The following TRMT11 variants were observed in gnomAD, a reference collection of about 807,000 sequenced individuals.
The protein encoded by TRMT11 is tRNA methyltransferase 11, also known as tRNA (guanine(10)-N(2))-methyltransferase TRMT11.
In TRMT11, 53 loss-of-function variants were observed where a neutral mutation model predicts 62.8. The observed-to-expected ratio is 0.84, with a 90% confidence interval of 0.68 to 1.06. The LOEUF is 1.06. Among genes scored for constraint, TRMT11 ranks in the 50% least tolerant of loss-of-function variants. The pLI is 0.00. For synonymous variants in TRMT11, 188 were observed against 190.3 expected, an observed-to-expected ratio of 0.99 and a Z score of 0.10; for missense variants, 556 against 553.4, an observed-to-expected ratio of 1.00 and a Z score of -0.05.
chr6:126,253,313 C>T, the TRMT11 span, among the ~76,000 whole-genome samples: 64 of 152,280 alleles, frequency 4.2e-4, 1 homozygote, highest in African/African-American at 1.5e-3. Context: ...TCTGTGATAA[C>T]AATGCCTTCT....
intron 21 of TRMT11, among the ~76,000 whole-genome samples, chr6:126,130,219 G>T (rs1777764926): frequency 6.6e-6 from 1 of 152,096 alleles, no homozygotes; most frequent in Non-Finnish European, 1.5e-5. Context: ...AAGAGAGAAA[G>T]ATATGAAGAG....
At chr6:126,019,325 A>G (rs1156286201) in intron 11 of TRMT11, among the ~76,000 whole-genome samples, 2 of 152,218 alleles carry the variant, frequency 1.3e-5, no homozygotes, top group Non-Finnish European at 2.9e-5. Flanking sequence ...GAAACATGCA[A>G]ATATGTTTTT....
chr6:126,212,166 G>T, the TRMT11 span, among the ~76,000 whole-genome samples: 1 of 151,922 alleles, frequency 6.6e-6, no homozygotes, highest in African/African-American at 2.4e-5. Context: ...TTATCCATTT[G>T]TCTGCTGATG....
At chr6:126,199,552 C>T (rs1778711344) in intron 2 of TRMT11, among the ~76,000 whole-genome samples, 1 of 152,132 alleles carries the variant, frequency 6.6e-6, no homozygotes. Context: ...AATGCTAGCA[C>T]TATAAATTAT....
downstream of TRMT11, among the ~76,000 whole-genome samples, chr6:126,040,803 C>T (rs1366143790): frequency 1.3e-5 from 2 of 152,010 alleles, no homozygotes; most frequent in African/African-American, 4.8e-5. Flanking sequence ...AGACGGTTAC[C>T]TTGGTGGTGT....
At chr6:126,261,336 T>C in the TRMT11 span, among the ~76,000 whole-genome samples, 1 of 152,222 alleles carries the variant, frequency 6.6e-6, no homozygotes, top group African/African-American at 2.4e-5. Context: ...ATTGCTTTTC[T>C]GATTGCATTG....
chr6:126,085,415 T>C (rs1360082408), intron 17 of TRMT11, among the ~76,000 whole-genome samples: 2 of 152,302 alleles, frequency 1.3e-5, no homozygotes, highest in East Asian at 3.9e-4. Flanking sequence ...GAGGCCTTTT[T>C]CCCATTTTCT....
In TRMT11 at chr6:126,015,361, G is replaced by A. The variant is rs184430348; in HGVS notation, c.1139+2260G>A. Among the ~76,000 whole-genome samples, 526 of 152,178 alleles carry A rather than the reference G, an allele frequency of 3.5e-3. 4 individuals are homozygous for A. The highest frequency in any genetic ancestry group is 0.012 in the African/African-American group (508 of 41,508). On this transcript the variant is annotated intron_variant, in intron 11 of 12. Coordinates refer to ENST00000334379, the MANE Select transcript of TRMT11 (RefSeq NM_001031712.3). ...CCTGCCTCAGCCTCCCAAGTAGCTG[G>A]GACTACAGGTGTCTGCCACTGCGCC...
chr6:126,219,031 C>T, the TRMT11 span, among the ~76,000 whole-genome samples: 604 of 152,250 alleles, frequency 4.0e-3, 4 homozygotes, highest in African/African-American at 0.013. Context: ...GCTTTCCCTC[C>T]CCAAAGTGTA....
intron 21 of TRMT11, among the ~76,000 whole-genome samples, chr6:126,147,960 C>T (rs535943946): frequency 1.7e-4 from 26 of 151,988 alleles, no homozygotes; most frequent in East Asian, 9.7e-4. Flanking sequence ...GACGGGTTGA[C>T]GGGTGCAGCA....
chr6:126,142,436 A>G (rs1287638987), intron 21 of TRMT11, among the ~76,000 whole-genome samples: 1 of 152,098 alleles, frequency 6.6e-6, no homozygotes, highest in Non-Finnish European at 1.5e-5. Context: ...TTATTTTTAA[A>G]TAAATGAGTG....
chr6:126,075,272 C>T (rs746088172), intron 17 of TRMT11, among the ~76,000 whole-genome samples: 10 of 152,096 alleles, frequency 6.6e-5, no homozygotes, highest in African/African-American at 2.2e-4. Flanking sequence ...TTTTATTTAA[C>T]TGCTAGTTCT....
intron 17 of TRMT11, among the ~76,000 whole-genome samples, chr6:126,099,522 C>T (rs992131642): frequency 1.3e-5 from 2 of 152,168 alleles, no homozygotes; most frequent in Non-Finnish European, 2.9e-5. Flanking sequence ...TTGGATCCCT[C>T]TACCTTCCGA....
intron 12 of TRMT11, 128 bp downstream of exon 12, chr6:126,021,408 G>T (rs1214100431): frequency 2.9e-5 from 33 of 1,148,172 alleles, no homozygotes; most frequent in Non-Finnish European, 3.9e-5. Flanking sequence ...GATCAATTTA[G>T]GAAGAGGCAG....
At chr6:126,093,628 T>TATATATATATATATAC (rs1562321453) in intron 17 of TRMT11, among the ~76,000 whole-genome samples, 2 of 105,830 alleles carry the variant, frequency 1.9e-5, no homozygotes, top group Non-Finnish European at 1.8e-5. Flanking sequence ...TATATATATA[T>TATATATATATATATAC]ATATTTTCCC....
At chr6:126,071,325 A>G (rs778308619) in intron 17 of TRMT11, among the ~76,000 whole-genome samples, 1 of 151,468 alleles carries the variant, frequency 6.6e-6, no homozygotes, top group Non-Finnish European at 1.5e-5. Context: ...CACTTGGGCC[A>G]TTGGCATTCA....
intron 7 of TRMT11, among the ~76,000 whole-genome samples, chr6:126,001,038 C>A (rs1252291401): frequency 6.6e-6 from 1 of 152,098 alleles, no homozygotes; most frequent in Non-Finnish European, 1.5e-5. Context: ...TCTTTTCTTT[C>A]CTGCATCATT....
intron 2 of TRMT11, among the ~76,000 whole-genome samples, chr6:126,199,275 G>A (rs1778708195): frequency 6.6e-6 from 1 of 152,188 alleles, no homozygotes; most frequent in African/African-American, 2.4e-5. Context: ...TGTGGCAGAA[G>A]CATCTATGTG....
chr6:126,026,145 A>G (rs1773036278), intron 12 of TRMT11, among the ~76,000 whole-genome samples: 5 of 152,150 alleles, frequency 3.3e-5, no homozygotes, highest in Non-Finnish European at 7.4e-5. Flanking sequence ...ATAATGCATT[A>G]TTGTTTATAA....
Sources: gnomAD v4.1 joint callset for allele counts (sites outside exome capture counted in the v4.1 genomes callset) on GRCh38, gnomAD v4.1.1 for gene constraint, MANE v1.5 for transcripts, NCBI Gene and HGNC (gene_info 2026-07-23, HGNC 2026-07-21) for gene names.